FAM9B: variants seen among roughly 807,000 people sequenced by gnomAD.
The protein encoded by FAM9B is protein FAM9B.
A neutral mutation model predicts 16.6 loss-of-function variants in FAM9B; 18 were observed. The observed-to-expected ratio is 1.09, with a 90% CI of 0.75 to 1.61. The LOEUF (loss-of-function observed/expected upper bound fraction) is 1.61, where lower values mean the gene tolerates loss of function less well. Among genes scored for constraint, FAM9B ranks in the 40% most tolerant of loss-of-function variants. The probability of loss-of-function intolerance (pLI) is 0.00; values close to 1 mark genes in which losing one functional copy is unlikely to be tolerated. For missense variants in FAM9B, 155 were observed against 136.0 expected (o/e 1.14, Z -0.70); for synonymous variants, 43 against 42.6 (o/e 1.01, Z -0.03).
At chrX:9,029,269 C>G in intron 6 of FAM9B, 38 bp downstream of exon 6, 1 of 1,033,642 alleles carries the variant, frequency 9.7e-7, no homozygotes, top group Non-Finnish European at 1.4e-6. Flanking sequence ...GAGACACTGA[C>G]ATAACAGGTT....
intron 6 of FAM9B, among the ~76,000 whole-genome samples, chrX:9,029,061 C>A (rs1358463169): frequency 8.9e-6 from 1 of 111,857 alleles, no homozygotes; most frequent in Non-Finnish European, 1.9e-5. Context: ...AAATTCCAAC[C>A]CTACAGCTGT....
intron 1 of FAM9B, 179 bp from the exon 2 acceptor site, chrX:9,033,254 C>T (rs752606889): frequency 2.7e-4 from 296 of 1,087,816 alleles, no homozygotes; most frequent in Non-Finnish European, 3.4e-4. Context: ...AGCCCGTCCC[C>T]GGGGCTGGCT....
chrX:9,025,384 CA>C lies in FAM9B; in HGVS notation c.*32-8del, dbSNP rs1292068421. The C allele has an allele frequency of 6.8e-4, 371 of 549,156 alleles. No homozygotes were observed. Among genetic ancestry groups the C allele is most frequent in the South Asian group, 1.3e-3 (23 of 18,195 alleles). 45.3% of individuals were successfully genotyped at this position (549,156 alleles called of 1,213,427 possible). ...GTGCCAACTTTTCCAAAAGCTGTTT[CA>C]AAAAAAAATTTAAGTAACTGTAATA... is the stretch of plus-strand genomic sequence containing the variant. On this transcript the variant is annotated splice_polypyrimidine_tract_variant and splice_region_variant and intron_variant, in intron 8 of 8. Transcript: ENST00000327220.
intron 7 of FAM9B, among the ~76,000 whole-genome samples, chrX:9,026,374 T>C (rs1395063905): frequency 1.8e-5 from 2 of 109,875 alleles, no homozygotes; most frequent in Admixed American, 9.8e-5. Context: ...CCTGGAGAAG[T>C]GGGAGGAAAG....
chrX:9,028,056 T>C, intron 6 of FAM9B, 90 bp from the exon 7 acceptor site: 3 of 605,356 alleles, frequency 5.0e-6, no homozygotes, highest in Admixed American at 2.7e-5. Flanking sequence ...AGGAATACTG[T>C]TTAAATCAAT....
intron 1 of FAM9B, 38 bp downstream of exon 1, chrX:9,033,814 G>A: frequency 5.3e-6 from 4 of 752,043 alleles, no homozygotes; most frequent in African/African-American, 4.6e-5. Context: ...AGAGGGCCTC[G>A]TGCCTGCGTT....
intron 1 of FAM9B, 89 bp from the exon 2 acceptor site, chrX:9,033,164 G>A (rs765215414): frequency 8.6e-5 from 100 of 1,160,344 alleles, no homozygotes; most frequent in Non-Finnish European, 1.1e-4. Context: ...AGAAGGGTGG[G>A]GCTGGCCCGC....
intron 7 of FAM9B, among the ~76,000 whole-genome samples, chrX:9,027,481 G>A (rs1259880810): frequency 1.8e-5 from 2 of 111,059 alleles, no homozygotes; most frequent in African/African-American, 6.5e-5. Flanking sequence ...TTATTGGAAC[G>A]CTAAGCTTGT....
rs763664402 is a variant in FAM9B at position 9,033,044 on chromosome X, T to G, written c.-58A>C. On this transcript the variant is annotated 5_prime_UTR_variant, in exon 2 of 9. Coordinates refer to ENST00000327220, the MANE Select transcript of FAM9B (RefSeq NM_205849.3). ...TCCTGCCCACAGGATCCGTGGCTGG[T>G]TGTCCTGGGAAGCTAGAGGCGATCC... is the stretch of plus-strand genomic sequence containing the variant. 1.7e-6 allele frequency: 2 copies of G among 1,211,820 alleles called. No individual in the cohort carries two copies. The highest frequency in any genetic ancestry group is 4.3e-5 in the Admixed American group (2 of 46,077).
intron 5 of FAM9B, 21 bp downstream of exon 5, chrX:9,030,240 C>T (rs1569138626): frequency 8.5e-6 from 10 of 1,171,552 alleles, no homozygotes; most frequent in Admixed American, 2.5e-5. Context: ...TATCATTATG[C>T]AAAAAAGCCA....
At chrX:9,028,434 C>T (rs1426478434) in intron 6 of FAM9B, among the ~76,000 whole-genome samples, 1 of 111,462 alleles carries the variant, frequency 9.0e-6, no homozygotes, top group Non-Finnish European at 1.9e-5. Flanking sequence ...GTTCTCCTCT[C>T]CTCTACGTGG....
chrX:9,033,361 C>T, intron 1 of FAM9B: 1 of 1,009,553 alleles, frequency 9.9e-7, no homozygotes, highest in Non-Finnish European at 1.3e-6. Context: ...CTCTGAGTCA[C>T]CTAGCGACCC....
At chrX:9,026,039 A>G (rs972956230) in intron 7 of FAM9B, among the ~76,000 whole-genome samples, 2 of 111,860 alleles carry the variant, frequency 1.8e-5, no homozygotes, top group African/African-American at 6.5e-5. Context: ...TGAAATATAT[A>G]CTCTTTACTC....
At chrX:9,026,018 G>A (rs1371147807) in intron 7 of FAM9B, among the ~76,000 whole-genome samples, 1 of 111,648 alleles carries the variant, frequency 9.0e-6, no homozygotes, top group Middle Eastern at 4.6e-3. Flanking sequence ...TAGAGAAAAC[G>A]TAACTGTGTT....
chrX:9,032,810 C>T, intron 2 of FAM9B, 149 bp downstream of exon 2: 1 of 858,441 alleles, frequency 1.2e-6, no homozygotes, highest in Non-Finnish European at 1.6e-6. Context: ...GCTTTGAAAA[C>T]CTGGCGCATC....
rs1921009298 is a variant in FAM9B, at chrX:9,029,521, C to T, written c.282-103G>A. Reference sequence around the variant, plus strand: ...TGACATAATTTATACTATAAAGTAGCAAGGGAGTAATAGCAGCTGAAATCT... The same window carrying T: ...TGACATAATTTATACTATAAAGTAGTAAGGGAGTAATAGCAGCTGAAATCT... On this transcript the variant is annotated intron_variant, in intron 5 of 8. Coordinates refer to ENST00000327220, the MANE Select transcript of FAM9B (RefSeq NM_205849.3). 4 of 491,586 alleles carry T rather than the reference C, an allele frequency of 8.1e-6. No homozygotes were observed. The South Asian group carries it at 1.7e-4, about 21-fold the overall frequency. 40.5% of individuals were successfully genotyped at this position (491,586 alleles called of 1,213,427 possible).
intron 4 of FAM9B, chrX:9,030,813 A>G: frequency 8.9e-6 from 1 of 112,553 alleles, no homozygotes; most frequent in East Asian, 2.8e-4. Flanking sequence ...AAATAACTTA[A>G]TGCACAATAA....
chrX:9,032,682 A>G, intron 2 of FAM9B: 1 of 557,555 alleles, frequency 1.8e-6, no homozygotes, highest in East Asian at 3.6e-5. Flanking sequence ...ACAACGTACT[A>G]CAGTTCAGAC....
chrX:9,033,257 G>T lies in FAM9B; in HGVS notation c.-89-182C>A, dbSNP rs1032740447. 19 of 1,088,414 alleles carry T rather than the reference G, an allele frequency of 1.7e-5. No individual in the cohort carries two copies. In the African/African-American group the frequency reaches 3.2e-4, roughly 18 times the overall value. 89.7% of individuals were successfully genotyped at this position (1,088,414 alleles called of 1,213,427 possible). A position where few individuals can be genotyped will look rare whatever the true frequency, so the allele number is the denominator to read the frequency against. ...CCTGGCCCGTCCAGCCCGTCCCCGGGGCTGGCTGCAAAGCTCACAGCTGCC... is the reference window on the plus strand; with the variant it reads ...CCTGGCCCGTCCAGCCCGTCCCCGGTGCTGGCTGCAAAGCTCACAGCTGCC... On this transcript the variant is annotated intron_variant, in intron 1 of 8. Coordinates refer to ENST00000327220, the MANE Select transcript of FAM9B (RefSeq NM_205849.3).
Sources: allele counts gnomAD v4.1 joint callset (sites outside exome capture counted in the v4.1 genomes callset), GRCh38; gene constraint gnomAD v4.1.1; transcripts MANE v1.5; gene names NCBI Gene and HGNC (gene_info 2026-07-23, HGNC 2026-07-21).